TP53I3: variants seen among roughly 807,000 people sequenced by gnomAD.
TP53I3 encodes the protein quinone oxidoreductase PIG3.
A neutral mutation model predicts 27.7 loss-of-function variants in TP53I3; 32 were observed. The ratio of observed to expected loss-of-function variants is 1.16; its 90% CI spans 0.87 to 1.55. The LOEUF is 1.55. Ranked by LOEUF, TP53I3 falls within the 40% of genes most tolerant of loss-of-function variation. TP53I3 has a pLI of 0.00. For missense variants in TP53I3, 372 were observed against 412.3 expected, an observed-to-expected ratio of 0.90 and a Z score of 0.85; for synonymous variants, 138 against 167.8, an observed-to-expected ratio of 0.82 and a Z score of 1.37.
At position 24,077,693 on chromosome 2, in the gene TP53I3, T is replaced by C. The variant is rs10209238; in HGVS notation, c.885A>G (p.Gln295=). 0.14 allele frequency: 218,452 copies of C among 1,613,872 alleles called. 15,905 individuals are homozygous for C. The highest frequency in any genetic ancestry group is 0.17 in the South Asian group (15,783 of 91,064). The change falls in exon 5 of 5, where the codon CAA becomes CAG. Residue 295 remains glutamine, a synonymous_variant. Coordinates refer to ENST00000238721, the MANE Select transcript of TP53I3 (RefSeq NM_004881.5). The surrounding 1 kb of genome is among the most constrained non-coding windows in gnomAD (Gnocchi z 5.5). ...ILPHFSTEGP[Q]RLLPVLDRIY... Reference sequence around the variant, plus strand: ...TTCTGTCCAGAACCGGCAGCAGACGTTGGGGGCCCTCCGTGGAGAAGTGAG... The same window carrying C: ...TTCTGTCCAGAACCGGCAGCAGACGCTGGGGGCCCTCCGTGGAGAAGTGAG...
Position 24,077,812 on chromosome 2 carries a change from C to T in TP53I3, c.817-51G>A, listed in dbSNP as rs747412391. ...AGCCTGGGGAGAGAGCCTCACCCTG[C>T]CCTCCTCATCCTCCTCAGCCTTCTT... On this transcript the variant is annotated intron_variant, in intron 4 of 4. Transcript: ENST00000238721. This position sits in a 1 kb window ranked among gnomAD's most constrained non-coding sequence, Gnocchi z 5.5. 6.4e-7 allele frequency: 1 copy of T among 1,556,836 alleles called. No individual in the cohort carries two copies.
intron 4 of TP53I3, 107 bp downstream of exon 4, chr2:24,079,337 G>T: frequency 8.0e-7 from 1 of 1,253,572 alleles, no homozygotes; most frequent in Non-Finnish European, 1.1e-6. Context: ...TTTCTTCATA[G>T]AAACTAACCT....
In TP53I3 at chr2:24,084,068, C is replaced by T; in HGVS notation, c.138+121G>A. On this transcript the variant is annotated intron_variant, in intron 1 of 4. Coordinates refer to ENST00000238721, the MANE Select transcript of TP53I3 (RefSeq NM_004881.5). This position sits in a 1 kb window ranked among gnomAD's most constrained non-coding sequence, Gnocchi z 8.4. The stretch of plus-strand genomic sequence containing the variant: ...TGGGTTTAGGTCTGGGAAGCCCCAG[C>T]GCAGCTGCCTGCTGGGTGTGGAGCG... The T allele has an allele frequency of 2.8e-6, 4 of 1,413,328 alleles. No homozygotes were observed. In the South Asian group the frequency reaches 5.8e-5, roughly 21 times the overall value. 87.5% of individuals were successfully genotyped at this position (1,413,328 alleles called of 1,614,324 possible). A position where few individuals can be genotyped will look rare whatever the true frequency, so the allele number is the denominator to read the frequency against.
At position 24,077,825 on chromosome 2, in the gene TP53I3, CCTCAGCCTT is replaced by C. The variant is rs1664826494; in HGVS notation, c.817-73_817-65del. 2.7e-5 allele frequency: 41 copies of C among 1,540,872 alleles called. No homozygotes were observed. The highest frequency in any genetic ancestry group is 3.1e-5 in the Non-Finnish European group (35 of 1,138,956). ...AGCCTCACCCTGCCCTCCTCATCCT[CCTCAGCCTT>C]CTTGCTCTCTCTGAAGCCACGTATC... On this transcript the variant is annotated intron_variant, in intron 4 of 4. Coordinates refer to ENST00000238721, the MANE Select transcript of TP53I3 (RefSeq NM_004881.5). This position sits in a 1 kb window ranked among gnomAD's most constrained non-coding sequence, Gnocchi z 5.5.
chr2:24,078,431 T>C (rs1355743959), intron 4 of TP53I3, among the ~76,000 whole-genome samples: 1 of 149,460 alleles, frequency 6.7e-6, no homozygotes. Flanking sequence ...AGGAGGCTGA[T>C]TGTGCCATTG....
intron 4 of TP53I3, among the ~76,000 whole-genome samples, chr2:24,078,087 G>A (rs1664840274): frequency 6.6e-6 from 1 of 152,064 alleles, no homozygotes; most frequent in Admixed American, 6.5e-5. Flanking sequence ...CCATACTAGG[G>A]CAAAAAGCCC....
At chr2:24,082,314 C>T (rs991153008) in intron 2 of TP53I3, among the ~76,000 whole-genome samples, 1 of 152,284 alleles carries the variant, frequency 6.6e-6, no homozygotes, top group South Asian at 2.1e-4. Context: ...CTTGGCATGC[C>T]TTATGTCCTT....
At chr2:24,083,546 C>T (rs1665109573) in intron 1 of TP53I3, among the ~76,000 whole-genome samples, 1 of 152,156 alleles carries the variant, frequency 6.6e-6, no homozygotes, top group African/African-American at 2.4e-5. Flanking sequence ...GGGACTTAAC[C>T]AGGAGTGTGT....
In TP53I3 at chr2:24,079,644, C is replaced by A. The variant is rs773750164; in HGVS notation, c.620-4G>T. 2 of 1,611,984 alleles carry A rather than the reference C, an allele frequency of 1.2e-6. No individual in the cohort carries two copies. Among genetic ancestry groups the A allele is most frequent in the Admixed American group, 1.7e-5 (1 of 59,794 alleles). ...AGAATAAGATTAACTCCAGCACCTTCCATAGGAAACAGATTTGTGATGCTA... is the reference window on the plus strand; with the variant it reads ...AGAATAAGATTAACTCCAGCACCTTACATAGGAAACAGATTTGTGATGCTA... On this transcript the variant is annotated splice_polypyrimidine_tract_variant and splice_region_variant and intron_variant, in intron 3 of 4. Coordinates refer to ENST00000238721, the MANE Select transcript of TP53I3 (RefSeq NM_004881.5).
chr2:24,078,075 C>T (rs1454755382), intron 4 of TP53I3, among the ~76,000 whole-genome samples: 1 of 152,116 alleles, frequency 6.6e-6, no homozygotes. Flanking sequence ...GGGGTACCCT[C>T]CCCATACTAG....
Position 24,084,339 on chromosome 2 carries a change from CACAGGGCAGGGCAGGGCAGGACAGG to C in TP53I3, c.-38_-14del, listed in dbSNP as rs762702067. ...GCACGGCTAACATATTGTCTGAGGA[CACAGGGCAGGGCAGGGCAGGACAGG>C]ACAGGGCAGGGCAGGGCAGGACAGG... On this transcript the variant is annotated 5_prime_UTR_variant, in exon 1 of 5. Transcript: ENST00000238721. The surrounding 1 kb of genome is among the most constrained non-coding windows in gnomAD (Gnocchi z 8.4). The C allele has an allele frequency of 0.03, 48,556 of 1,602,144 alleles. 2,765 individuals are homozygous for C. Among genetic ancestry groups the C allele is most frequent in the East Asian group, 0.054 (2,412 of 44,760 alleles).
chr2:24,079,163 C>G (rs1447717362), intron 4 of TP53I3: 3 of 364,668 alleles, frequency 8.2e-6, no homozygotes, highest in Non-Finnish European at 1.5e-5. Flanking sequence ...TGGAACTACT[C>G]GAAATACTTC....
In TP53I3 at chr2:24,082,889, A is replaced by C. The variant is rs769605619; in HGVS notation, c.402T>G (p.Leu134=). 1.2e-6 allele frequency: 2 copies of C among 1,603,692 alleles called. No individual in the cohort carries two copies. The highest frequency in any genetic ancestry group is 3.4e-5 in the Admixed American group (2 of 59,416). Reference sequence around the variant, plus strand: ...TGAGCATGGAGGCCTCCTCACCCACAAGATGTAACAGCTGGAAGGCGGTGA... The same window carrying C: ...TGAGCATGGAGGCCTCCTCACCCACCAGATGTAACAGCTGGAAGGCGGTGA... ...AWLTAFQLLH[L]VGNVQAGDYV... is the part of the protein sequence containing the mutation. The change falls in exon 2 of 5, where the codon CTT becomes CTG. Residue 134 remains leucine (L), a synonymous_variant. Transcript: ENST00000238721.
At chr2:24,079,380 G>A in intron 4 of TP53I3, 64 bp downstream of exon 4, 1 of 1,542,220 alleles carries the variant, frequency 6.5e-7, no homozygotes, top group Non-Finnish European at 8.9e-7. Context: ...CTTTCTCGGG[G>A]TAATGTAAAT....
intron 4 of TP53I3, among the ~76,000 whole-genome samples, chr2:24,078,041 C>T (rs1664835474): frequency 1.3e-5 from 2 of 152,150 alleles, no homozygotes; most frequent in Non-Finnish European, 2.9e-5. Flanking sequence ...TTGCATGTAG[C>T]AAGTCATAAA....
At chr2:24,081,059 T>G in intron 2 of TP53I3, 28 bp from the exon 3 acceptor site, 2 of 1,599,824 alleles carry the variant, frequency 1.3e-6, no homozygotes, top group Middle Eastern at 3.3e-4. Context: ...GGGTTCTCTT[T>G]ACTTTGCAAC....
At chr2:24,081,784 C>A (rs190931734) in intron 2 of TP53I3, among the ~76,000 whole-genome samples, 17 of 151,248 alleles carry the variant, frequency 1.1e-4, no homozygotes, top group African/African-American at 2.7e-4. Flanking sequence ...TGCCCCACCC[C>A]CCCTGCGTTC....
Position 24,083,005 on chromosome 2 carries a change from C to T in TP53I3, c.286G>A (p.Ala96Thr). 1 of 1,614,142 alleles carries T rather than the reference C, an allele frequency of 6.2e-7. No homozygotes were observed. The highest frequency in any genetic ancestry group is 8.5e-7 in the Non-Finnish European group (1 of 1,180,002). The change falls in exon 2 of 5, where the codon GCT becomes ACT. Residue 96 changes from alanine to threonine, a missense_variant. Ala to Thr is a moderately conservative substitution (Grantham distance 58). Transcript: ENST00000238721. ...AMALLPGGGQ[A>T]QYVTVPEGLL... ...CCTTCGGGGACAGTGACGTACTGAG[C>T]CTGGCCCCCACCGGGGAGCAGAGCC...
At position 24,077,457 on chromosome 2, in the gene TP53I3, A is replaced by G; in HGVS notation, c.*122T>C. 1 of 1,181,040 alleles carries G rather than the reference A, an allele frequency of 8.5e-7. No homozygotes were observed. The highest frequency in any genetic ancestry group is 1.1e-6 in the Non-Finnish European group (1 of 877,998). The allele number at this position is 1,181,040 out of a possible 1,614,324, so 73.2% of individuals were successfully genotyped here. On this transcript the variant is annotated 3_prime_UTR_variant, in exon 5 of 5. Transcript: ENST00000238721. The surrounding 1 kb of genome is among the most constrained non-coding windows in gnomAD (Gnocchi z 5.5). ...CTTCCAGTTCACTCTTTATTTCCTC[A>G]TATCAGCTTTAAACGGCTCTGGAGG... is the stretch of plus-strand genomic sequence containing the variant.
Sources: allele counts gnomAD v4.1 joint callset (sites outside exome capture counted in the v4.1 genomes callset), GRCh38; gene constraint gnomAD v4.1.1; non-coding constraint Gnocchi (gnomAD v3.1); transcripts MANE v1.5; gene names NCBI Gene and HGNC (gene_info 2026-07-23, HGNC 2026-07-21).